Variants in SGCA observed in about 807,000 individuals in gnomAD.
The protein encoded by SGCA is alpha-sarcoglycan.
SGCA carries 34 observed loss-of-function variants against 38.1 expected under a neutral mutation model. The ratio of observed to expected loss-of-function variants is 0.89; its 90% CI spans 0.68 to 1.19. The LOEUF is 1.19. Among genes scored for constraint, SGCA ranks in the 50% most tolerant of loss-of-function variants. The pLI is 0.00. For missense variants in SGCA, 476 were observed against 524.9 expected, an observed-to-expected ratio of 0.91 and a Z score of 0.91; for synonymous variants, 209 against 214.6, an observed-to-expected ratio of 0.97 and a Z score of 0.23.
chr17:50,175,320 C>T lies in SGCA; in HGVS notation c.1047C>T (p.Ala349=), dbSNP rs199518562. 6.4e-5 allele frequency: 103 copies of T among 1,609,412 alleles called. No homozygotes were observed. The highest frequency in any genetic ancestry group is 6.4e-5 in the Non-Finnish European group (75 of 1,178,762). ...GNTEELRQMA[A]SREVPRPLST... ...CAGAGGAGCTGCGGCAGATGGCGGC[C>T]AGCCGCGAGGTGCCCCGGCCACTCT... The change falls in exon 9 of 10, where the codon GCC becomes GCT. Residue 349 remains alanine, a synonymous_variant. Transcript: ENST00000262018.
intron 8 of SGCA, chr17:50,171,725 G>A (rs1219391814): frequency 2.2e-6 from 1 of 456,688 alleles, no homozygotes; most frequent in Non-Finnish European, 4.4e-6. Context: ...GTCACCTGCT[G>A]AGCCCTTGTC....
rs1291296598 is a variant in SGCA at position 50,169,212 on chromosome 17, C to T, written c.705C>T (p.Thr235=). 2 of 1,614,054 alleles carry T rather than the reference C, an allele frequency of 1.2e-6. No individual in the cohort carries two copies. The highest frequency in any genetic ancestry group is 3.3e-5 in the Admixed American group (2 of 60,016). The stretch of plus-strand genomic sequence containing the variant: ...CTCCACTTCTGTCTTGCTACGACAC[C>T]TTGGCACCCCACTTCCGCGTTGACT... ...GQPPLLSCYD[T]LAPHFRVDWC... Residue 235 remains threonine, a synonymous_variant, in exon 6 of 10, where the codon ACC becomes ACT. Transcript: ENST00000262018.
intron 8 of SGCA, among the ~76,000 whole-genome samples, chr17:50,174,638 C>T (rs1306609923): frequency 1.3e-5 from 2 of 151,926 alleles, no homozygotes; most frequent in African/African-American, 2.4e-5. Context: ...TGAGCCACTG[C>T]GCCCGGCCTG....
intron 6 of SGCA, 68 bp from the exon 7 acceptor site, chr17:50,170,075 G>C (rs1180806467): frequency 7.3e-7 from 1 of 1,375,764 alleles, no homozygotes; most frequent in Non-Finnish European, 1.0e-6. Flanking sequence ...CCTGGCCCCT[G>C]CCATGTTCCT....
At chr17:50,171,106 G>T (rs776920383) in intron 8 of SGCA, among the ~76,000 whole-genome samples, 1 of 152,190 alleles carries the variant, frequency 6.6e-6, no homozygotes, top group Non-Finnish European at 1.5e-5. Context: ...AATGGGACCT[G>T]CTGCCACTCT....
chr17:50,175,897 C>T lies in SGCA; in HGVS notation c.*198C>T, dbSNP rs890170692. ...TTCAGAATAAATATCTGCTGCTCTG[C>T]TCACCAATTGCTGCTGGCAGCCTCT... On this transcript the variant is annotated 3_prime_UTR_variant, in exon 10 of 10. Transcript: ENST00000262018. 12 of 455,176 alleles carry T rather than the reference C, an allele frequency of 2.6e-5. No homozygotes were observed. The highest frequency in any genetic ancestry group is 2.0e-4 in the African/African-American group (10 of 50,176). 28.2% of individuals were successfully genotyped at this position (455,176 alleles called of 1,614,324 possible). A position where few individuals can be genotyped will look rare whatever the true frequency, so the allele number is the denominator to read the frequency against.
rs61359101 is a variant in SGCA at position 50,169,446 on chromosome 17, C to CACACACACA, written c.747+192_747+193insACACACACA. The CACACACACA allele has an allele frequency of 1.5e-3, 841 of 575,712 alleles. 2 individuals are homozygous for CACACACACA. The highest frequency in any genetic ancestry group is 4.1e-3 in the South Asian group (190 of 46,306). The allele number at this position is 575,712 out of a possible 1,614,324, so 35.7% of individuals were successfully genotyped here. Reference sequence around the variant, plus strand: ...ACACACACACACACACACACACACACCCCTGAAGTTCTACCTTTCCCCCAC... The same window carrying CACACACACA: ...ACACACACACACACACACACACACACACACACACACCCTGAAGTTCTACCTTTCCCCCAC... On this transcript the variant is annotated intron_variant, in intron 6 of 9. Transcript: ENST00000262018.
chr17:50,169,549 T>A, intron 6 of SGCA: 1 of 477,410 alleles, frequency 2.1e-6, no homozygotes, highest in Non-Finnish European at 3.8e-6. Context: ...TCAACAGCTA[T>A]ATCACAGTCC....
At chr17:50,169,578 C>T (rs1027707140) in intron 6 of SGCA, 22 of 393,650 alleles carry the variant, frequency 5.6e-5, no homozygotes, top group Non-Finnish European at 1.9e-5. Flanking sequence ...AACCCTTTCC[C>T]TACCAAGGGC....
intron 5 of SGCA, 69 bp from the exon 6 acceptor site, chr17:50,169,023 C>A (rs1905155463): frequency 6.9e-7 from 1 of 1,455,498 alleles, no homozygotes; most frequent in South Asian, 1.1e-5. Context: ...GTTTCAACAA[C>A]CCCTGGCAGA....
chr17:50,166,022 CG>C lies in SGCA; in HGVS notation c.-16del, dbSNP rs748679510. Reference sequence around the variant, plus strand: ...CCCCCTGTCTCTGTCACTCACCGGGCGGGCCAGGCCGGGCAGCCATGGCTGA... The same window carrying C: ...CCCCCTGTCTCTGTCACTCACCGGGCGGCCAGGCCGGGCAGCCATGGCTGA... On this transcript the variant is annotated 5_prime_UTR_variant, in exon 1 of 10. Transcript: ENST00000262018. The C allele has an allele frequency of 1.7e-5, 27 of 1,609,922 alleles. No individual in the cohort carries two copies. The highest frequency in any genetic ancestry group is 1.7e-4 in the Middle Eastern group (1 of 5,858).
intron 6 of SGCA, 28 bp downstream of exon 6, chr17:50,169,282 G>A: frequency 6.3e-7 from 1 of 1,594,534 alleles, no homozygotes; most frequent in Non-Finnish European, 8.6e-7. Flanking sequence ...GTCCGGGGGT[G>A]GGGTGGGGCA....
intron 8 of SGCA, chr17:50,172,369 T>G (rs933751261): frequency 2.3e-6 from 1 of 443,168 alleles, no homozygotes; most frequent in Non-Finnish European, 4.6e-6. Flanking sequence ...GGTGGAGGCA[T>G]GTAACATGCC....
chr17:50,175,599 C>T, intron 9 of SGCA, 113 bp from the exon 10 acceptor site: 2 of 747,734 alleles, frequency 2.7e-6, no homozygotes, highest in Non-Finnish European at 4.7e-6. Flanking sequence ...GGGTCCTCAC[C>T]AGTGCCAGGG....
At position 50,170,332 on chromosome 17, in the gene SGCA, T is replaced by G. The variant is rs1905271165; in HGVS notation, c.937T>G (p.Cys313Gly). 3 of 1,613,640 alleles carry G rather than the reference T, an allele frequency of 1.9e-6. No homozygotes were observed. The South Asian group carries it at 3.3e-5, about 18-fold the overall frequency. The part of the protein sequence containing the change: ...LLTLLLAYVM[C>G]CRREGRLKRD... ...CACCTTGCTGCTGGCCTATGTCATGTGCTGCCGGCGGGAGGGAAGGTGAAT... is the reference window on the plus strand; with the variant it reads ...CACCTTGCTGCTGGCCTATGTCATGGGCTGCCGGCGGGAGGGAAGGTGAAT... The change falls in exon 7 of 10, where the codon TGC (cysteine) becomes GGC (glycine). Residue 313 changes from cysteine to glycine, a missense_variant. Coordinates refer to ENST00000262018, the MANE Select transcript of SGCA (RefSeq NM_000023.4).
At chr17:50,172,765 T>C (rs1905559835) in intron 8 of SGCA, among the ~76,000 whole-genome samples, 1 of 152,252 alleles carries the variant, frequency 6.6e-6, no homozygotes, top group Non-Finnish European at 1.5e-5. Flanking sequence ...TGAATTTTTA[T>C]GGGGAATATA....
At chr17:50,175,570 C>T (rs1052249482) in intron 9 of SGCA, 121 bp downstream of exon 9, 72 of 892,884 alleles carry the variant, frequency 8.1e-5, no homozygotes, top group Non-Finnish European at 1.2e-4. Context: ...CTTGTCTGCC[C>T]CTCTGAGGCC....
At chr17:50,168,333 G>A (rs756966125) in intron 4 of SGCA, 41 bp from the exon 5 acceptor site, 2 of 1,525,656 alleles carry the variant, frequency 1.3e-6, no homozygotes, top group Non-Finnish European at 8.9e-7. Context: ...GGGCAGAGCT[G>A]GGGCTGGGTG....
chr17:50,175,770 C>T lies in SGCA; in HGVS notation c.*71C>T, dbSNP rs1905895237. ...TTCTCTGTCCACACCACGAGTGGCA[C>T]ATCCCACCTGCTGATTCCAGCTCCT... On this transcript the variant is annotated 3_prime_UTR_variant, in exon 10 of 10. Coordinates refer to ENST00000262018, the MANE Select transcript of SGCA (RefSeq NM_000023.4). 1 of 540,828 alleles carries T rather than the reference C, an allele frequency of 1.8e-6. No homozygotes were observed. The highest frequency in any genetic ancestry group is 1.5e-5 in the South Asian group (1 of 65,320). The allele number at this position is 540,828 out of a possible 1,614,324, so 33.5% of individuals were successfully genotyped here.
Sources: gnomAD v4.1 joint callset for allele counts (sites outside exome capture counted in the v4.1 genomes callset) on GRCh38, gnomAD v4.1.1 for gene constraint, MANE v1.5 for transcripts, NCBI Gene and HGNC (gene_info 2026-07-23, HGNC 2026-07-21) for gene names.